Variants in TRAF3 observed in about 807,000 individuals in gnomAD.
The protein encoded by TRAF3 is TNF receptor associated factor 3, also known as TNF receptor-associated factor 3.
Under a neutral mutation model 62.3 loss-of-function variants are expected in TRAF3, and 13 were observed. The ratio of observed to expected loss-of-function variants is 0.21; its 90% CI spans 0.14 to 0.33. The LOEUF (loss-of-function observed/expected upper bound fraction) is 0.33. Among genes scored for constraint, TRAF3 ranks in the 10% least tolerant of loss-of-function variants. The pLI is 1.00. For synonymous variants in TRAF3, 269 were observed against 283.4 expected (o/e 0.95, Z 0.51); for missense variants, 440 against 741.8 (o/e 0.59, Z 4.73).
intron 6 of TRAF3, among the ~76,000 whole-genome samples, chr14:102,881,785 CA>C (rs1236837674): frequency 6.6e-6 from 1 of 152,108 alleles, no homozygotes. Flanking sequence ...TGCTTCTTGC[CA>C]AAATCAGTTA....
intron 1 of TRAF3, among the ~76,000 whole-genome samples, chr14:102,782,917 A>G (rs1170609057): frequency 2.0e-5 from 3 of 152,214 alleles, no homozygotes; most frequent in African/African-American, 7.2e-5. Flanking sequence ...GGGGTAATAT[A>G]ATCTGTAAGG....
chr14:102,804,654 T>C lies in TRAF3; in HGVS notation c.-156-25680T>C, dbSNP rs184799467. ...AGGTGCAAGCCACCACACTGGATAA[T>C]TTTTGTATTTTTTGTAGCGACAGGG... is the stretch of plus-strand genomic sequence containing the variant. On this transcript the variant is annotated intron_variant, in intron 1 of 11. Coordinates refer to ENST00000392745, the MANE Select transcript of TRAF3 (RefSeq NM_145725.3). Among the ~76,000 whole-genome samples, 208 of 152,084 alleles carry C rather than the reference T, an allele frequency of 1.4e-3. 6 individuals are homozygous for C. Among genetic ancestry groups the C allele is most frequent in the Admixed American group, 0.014 (207 of 15,250 alleles).
intron 7 of TRAF3, among the ~76,000 whole-genome samples, chr14:102,888,622 C>G (rs1331451267): frequency 6.6e-6 from 1 of 152,192 alleles, no homozygotes; most frequent in African/African-American, 2.4e-5. Context: ...GCTGCTGCAC[C>G]CACACACCCA....
intron 6 of TRAF3, among the ~76,000 whole-genome samples, chr14:102,881,870 C>G (rs796751824): frequency 2.0e-5 from 3 of 152,262 alleles, no homozygotes; most frequent in South Asian, 4.1e-4. Flanking sequence ...CTGTTAAACA[C>G]CATATAAGTA....
chr14:102,788,011 C>G (rs1280649714), intron 1 of TRAF3, among the ~76,000 whole-genome samples: 2 of 151,802 alleles, frequency 1.3e-5, no homozygotes, highest in Non-Finnish European at 2.9e-5. Flanking sequence ...ACCACCCCAC[C>G]TGGCTAATTT....
intron 1 of TRAF3, among the ~76,000 whole-genome samples, chr14:102,783,629 G>T (rs1433026458): frequency 6.6e-6 from 1 of 152,202 alleles, no homozygotes; most frequent in African/African-American, 2.4e-5. Flanking sequence ...GTGGCTGATT[G>T]TTTTAATATA....
chr14:102,840,545 G>GA, intron 2 of TRAF3, among the ~76,000 whole-genome samples: 1 of 152,262 alleles, frequency 6.6e-6, no homozygotes, highest in South Asian at 2.1e-4. Flanking sequence ...ACCCAAATTT[G>GA]AAAGACAGGA....
intron 1 of TRAF3, among the ~76,000 whole-genome samples, chr14:102,825,625 T>C (rs1900263648): frequency 6.6e-6 from 1 of 152,230 alleles, no homozygotes; most frequent in African/African-American, 2.4e-5. Context: ...CTTCTGGCCG[T>C]GTGGGTCAGC....
chr14:102,884,701 C>A (rs2139907344), intron 6 of TRAF3, among the ~76,000 whole-genome samples: 1 of 152,010 alleles, frequency 6.6e-6, no homozygotes, highest in Non-Finnish European at 1.5e-5. Context: ...AGTCCCAGCT[C>A]CTCCGGAGGC....
intron 10 of TRAF3, among the ~76,000 whole-genome samples, chr14:102,899,806 G>GT (rs1297389107): frequency 6.6e-6 from 1 of 152,186 alleles, no homozygotes; most frequent in Non-Finnish European, 1.5e-5. Flanking sequence ...GAATTCAAGA[G>GT]TGTCTTTGCT....
rs770711013 is a variant in TRAF3, at chr14:102,886,170, G to A, written c.571-19G>A. 6.2e-7 allele frequency: 1 copy of A among 1,612,174 alleles called. No homozygotes were observed. Among genetic ancestry groups the A allele is most frequent in the Admixed American group, 1.7e-5 (1 of 59,950 alleles). On this transcript the variant is annotated intron_variant, in intron 6 of 11. Transcript: ENST00000392745. ...ACAGGTTGTGTGTTTAAAGTTGATAGTACTTTCTCTCTCTGTAGAAACACG... is the reference window on the plus strand; with the variant it reads ...ACAGGTTGTGTGTTTAAAGTTGATAATACTTTCTCTCTCTGTAGAAACACG...
At chr14:102,876,119 A>G (rs995147722) in intron 5 of TRAF3, among the ~76,000 whole-genome samples, 2 of 152,230 alleles carry the variant, frequency 1.3e-5, no homozygotes, top group African/African-American at 4.8e-5. Context: ...GCAGATATTC[A>G]TTTATCCTGG....
chr14:102,856,097 C>CAAAAAAA (rs3070340), intron 2 of TRAF3, among the ~76,000 whole-genome samples: 1 of 62,942 alleles, frequency 1.6e-5, no homozygotes, highest in African/African-American at 5.7e-5. Flanking sequence ...CCCTGTCTCA[C>CAAAAAAA]AAAAAAAAAA....
At chr14:102,875,772 C>A (rs368469486) in intron 5 of TRAF3, 44 bp downstream of exon 5, 4 of 1,522,430 alleles carry the variant, frequency 2.6e-6, no homozygotes, top group Admixed American at 1.7e-5. Context: ...TGAAGGAATT[C>A]GAGTCCCTTA....
intron 1 of TRAF3, among the ~76,000 whole-genome samples, chr14:102,814,250 T>C (rs560762938): frequency 3.3e-5 from 5 of 152,330 alleles, no homozygotes; most frequent in African/African-American, 1.2e-4. Flanking sequence ...TCCTGGGTTT[T>C]CTATTCTTTT....
rs371101195 is a variant in TRAF3 at position 102,836,501 on chromosome 14, A to C, written c.-18+6029A>C. 5.3e-5 allele frequency among the ~76,000 whole-genome samples: 8 copies of C among 152,236 alleles called. No individual in the cohort carries two copies. In the East Asian group the frequency reaches 7.7e-4, roughly 15 times the overall value. On this transcript the variant is annotated intron_variant, in intron 2 of 11. Transcript: ENST00000392745. ...AGTGAATCATTAGTGTATTAGGTAA[A>C]AGCCAACATTGCAGAATATAGTTTA...
intron 2 of TRAF3, among the ~76,000 whole-genome samples, chr14:102,839,255 G>T (rs942089147): frequency 8.7e-6 from 1 of 115,092 alleles, no homozygotes; most frequent in African/African-American, 3.6e-5. Context: ...GTCTCACTCT[G>T]TCACCCAGGC....
At chr14:102,897,231 GTTACA>G in intron 9 of TRAF3, 25 bp from the exon 10 acceptor site, 3 of 1,594,472 alleles carry the variant, frequency 1.9e-6, no homozygotes, top group Non-Finnish European at 2.6e-6. Flanking sequence ...ACCACTTTTG[GTTACA>G]TTAATTAAAG....
chr14:102,778,281 G>C (rs1214782106), intron 1 of TRAF3, among the ~76,000 whole-genome samples: 1 of 151,784 alleles, frequency 6.6e-6, no homozygotes, highest in Non-Finnish European at 1.5e-5. Context: ...TCCTGGCCGC[G>C]GGCTCTGCGT....
Sources: gnomAD v4.1 joint callset for allele counts (sites outside exome capture counted in the v4.1 genomes callset) on GRCh38, gnomAD v4.1.1 for gene constraint, MANE v1.5 for transcripts, NCBI Gene and HGNC (gene_info 2026-07-23, HGNC 2026-07-21) for gene names.